RAI1: variants seen among roughly 807,000 people sequenced by gnomAD.
The protein encoded by RAI1 is retinoic acid-induced protein 1.
In RAI1, 9 loss-of-function variants were observed where a neutral mutation model predicts 123.8. The observed-to-expected ratio is 0.07, with a 90% CI of 0.04 to 0.13. The LOEUF (loss-of-function observed/expected upper bound fraction) is 0.13. Among genes scored for constraint, RAI1 ranks in the 10% least tolerant of loss-of-function variants. The pLI, the probability that RAI1 is intolerant of heterozygous loss-of-function variation, is 1.00. For synonymous variants in RAI1, 1,231 were observed against 1,127.3 expected (o/e 1.09, Z -1.84); for missense variants, 2,256 against 2,545.8 (o/e 0.89, Z 2.45).
At chr17:17,686,262 G>A (rs1362572920) in intron 1 of RAI1, among the ~76,000 whole-genome samples, 1 of 150,822 alleles carries the variant, frequency 6.6e-6, no homozygotes, top group Non-Finnish European at 1.5e-5. Context: ...GGCATGCTCA[G>A]GTCTGTGTGG....
intron 1 of RAI1, among the ~76,000 whole-genome samples, chr17:17,687,758 C>T (rs954299797): frequency 1.3e-5 from 2 of 152,014 alleles, no homozygotes; most frequent in Non-Finnish European, 2.9e-5. Context: ...GCTGGGGCGC[C>T]GTGGCTCACG....
chr17:17,723,659 A>C, intron 1 of RAI1, among the ~76,000 whole-genome samples: 1 of 110,494 alleles, frequency 9.1e-6, no homozygotes, highest in African/African-American at 3.5e-5. Flanking sequence ...TCCCGAGCTC[A>C]TCTCTCGCCC....
At chr17:17,706,258 G>A (rs538263968) in intron 1 of RAI1, among the ~76,000 whole-genome samples, 1 of 152,190 alleles carries the variant, frequency 6.6e-6, no homozygotes, top group East Asian at 1.9e-4. Context: ...CTGGAGAAAG[G>A]CCTACAGGTA....
At position 17,714,630 on chromosome 17, in the gene RAI1, G is replaced by T. The variant is rs1915657994; in HGVS notation, c.-148-9398G>T. Among the ~76,000 whole-genome samples, 1 of 152,278 alleles carries T rather than the reference G, an allele frequency of 6.6e-6. No homozygotes were observed. The highest frequency in any genetic ancestry group is 2.1e-4 in the South Asian group (1 of 4,828). ...GGTGAAAAACCTGAGGCTCAGAAAC[G>T]TAACGGGAAGCAGCTGGGTGCGAGC... On this transcript the variant is annotated intron_variant, in intron 1 of 5. Coordinates refer to ENST00000353383, the MANE Select transcript of RAI1 (RefSeq NM_030665.4). This position sits in a 1 kb window ranked among gnomAD's most constrained non-coding sequence, Gnocchi z 4.9.
intron 2 of RAI1, among the ~76,000 whole-genome samples, chr17:17,728,135 G>A (rs879829112): frequency 2.0e-5 from 3 of 152,126 alleles, no homozygotes; most frequent in Non-Finnish European, 4.4e-5. Flanking sequence ...AAGGGAGGGT[G>A]CCCCCGAGCT....
chr17:17,713,993 C>T (rs1435017888), intron 1 of RAI1, among the ~76,000 whole-genome samples: 1 of 152,104 alleles, frequency 6.6e-6, no homozygotes, highest in Non-Finnish European at 1.5e-5. Flanking sequence ...GACCAGAGAT[C>T]CCAGCGGCCC....
intron 2 of RAI1, among the ~76,000 whole-genome samples, chr17:17,791,293 T>G (rs2032004774): frequency 6.6e-6 from 1 of 152,220 alleles, no homozygotes; most frequent in Non-Finnish European, 1.5e-5. Flanking sequence ...GGAGGCCCTC[T>G]GTCGCCTTCC....
At position 17,809,351 on chromosome 17, in the gene RAI1, C is replaced by T. The variant is rs1432211215; in HGVS notation, c.5660-39C>T. ...CAAAACCCCACAGCTGTGGGGCCCCCACCCTGTCCTAACCACCGAAACTTC... is the reference window on the plus strand; with the variant it reads ...CAAAACCCCACAGCTGTGGGGCCCCTACCCTGTCCTAACCACCGAAACTTC... On this transcript the variant is annotated intron_variant, in intron 4 of 5. Coordinates refer to ENST00000353383, the MANE Select transcript of RAI1 (RefSeq NM_030665.4). The surrounding 1 kb of genome is among the most constrained non-coding windows in gnomAD (Gnocchi z 4.9). 3.2e-6 allele frequency: 5 copies of T among 1,570,994 alleles called. No individual in the cohort carries two copies. The highest frequency in any genetic ancestry group is 1.4e-5 in the African/African-American group (1 of 74,060).
At chr17:17,700,515 C>A (rs1915183772) in intron 1 of RAI1, among the ~76,000 whole-genome samples, 1 of 152,102 alleles carries the variant, frequency 6.6e-6, no homozygotes, top group Non-Finnish European at 1.5e-5. Context: ...TTAATGGCTG[C>A]GAACGCGCGG....
chr17:17,695,665 T>A (rs887683072), intron 1 of RAI1, among the ~76,000 whole-genome samples: 7 of 152,188 alleles, frequency 4.6e-5, no homozygotes, highest in Admixed American at 4.6e-4. Context: ...TAGCTGAGAT[T>A]ACAGGCACTT....
chr17:17,721,687 G>A lies in RAI1; in HGVS notation c.-148-2341G>A, dbSNP rs191794062. Among the ~76,000 whole-genome samples, 33 of 152,338 alleles carry A rather than the reference G, an allele frequency of 2.2e-4. No homozygotes were observed. In the East Asian group the frequency reaches 2.3e-3, roughly 11 times the overall value. Reference sequence around the variant, plus strand: ...CAGCGGGCATTTGGGCTTTTCCGTTGCCACCTTAATGGTATACACAATGCG... The same window carrying A: ...CAGCGGGCATTTGGGCTTTTCCGTTACCACCTTAATGGTATACACAATGCG... On this transcript the variant is annotated intron_variant, in intron 1 of 5. Coordinates refer to ENST00000353383, the MANE Select transcript of RAI1 (RefSeq NM_030665.4).
chr17:17,776,433 C>T (rs567587635), intron 2 of RAI1, among the ~76,000 whole-genome samples: 4 of 152,108 alleles, frequency 2.6e-5, no homozygotes, highest in South Asian at 2.1e-4. Context: ...TCCAGTGGCG[C>T]GATCTCAGCT....
Position 17,796,681 on chromosome 17 carries a change from A to C in RAI1, c.3733A>C (p.Ser1245Arg). Residue 1245 changes from serine to arginine, a missense_variant, in exon 3 of 6, where the codon AGC becomes CGC. Around this residue, in one of 7 missense-constraint regions of RAI1, gnomAD observed 322 missense variants for 358.0 expected, o/e 0.90. Coordinates refer to ENST00000353383, the MANE Select transcript of RAI1 (RefSeq NM_030665.4). The surrounding 1 kb of genome is among the most constrained non-coding windows in gnomAD (Gnocchi z 5.8). The stretch of plus-strand genomic sequence containing the variant: ...GCGGAACCTGGTCTTGCGGAGCCGC[A>C]GCAGCAGCAGCAGCAACGCCAGTGG... Reference protein sequence around the residue: ...KKRNLVLRSRSSSSSNASGNG... With the variant: ...KKRNLVLRSRRSSSSNASGNG... The C allele has an allele frequency of 6.3e-7, 1 of 1,595,830 alleles. No homozygotes were observed. Among genetic ancestry groups the C allele is most frequent in the Non-Finnish European group, 8.5e-7 (1 of 1,169,694 alleles).
chr17:17,715,989 G>C (rs1915702259), intron 1 of RAI1, among the ~76,000 whole-genome samples: 1 of 152,234 alleles, frequency 6.6e-6, no homozygotes, highest in Non-Finnish European at 1.5e-5. Flanking sequence ...ATGGCGGGGG[G>C]AATGGGTTTC....
At position 17,795,265 on chromosome 17, in the gene RAI1, G is replaced by A; in HGVS notation, c.2317G>A (p.Gly773Arg). ...GCTTACCAAGGGCCTGGAGCAGGGT[G>A]GGAAGGCCTCAGATGGCATCAGCAA... ...GELTKGLEQG[G>R]KASDGISKGD... Residue 773 changes from glycine to arginine, a missense_variant, in exon 3 of 6, where the codon GGG (glycine) becomes AGG (arginine). Transcript: ENST00000353383. This position sits in a 1 kb window ranked among gnomAD's most constrained non-coding sequence, Gnocchi z 5.9. 1 of 1,613,916 alleles carries A rather than the reference G, an allele frequency of 6.2e-7. No homozygotes were observed. The highest frequency in any genetic ancestry group is 1.1e-5 in the South Asian group (1 of 91,082).
intron 2 of RAI1, chr17:17,777,856 G>A (rs1309947576): frequency 1.3e-5 from 2 of 152,284 alleles, no homozygotes; most frequent in African/African-American, 4.8e-5. Context: ...GCTGAATGGA[G>A]AGTCCGGAGG....
intron 2 of RAI1, among the ~76,000 whole-genome samples, chr17:17,749,834 CA>C (rs1461396746): frequency 6.6e-6 from 1 of 152,236 alleles, no homozygotes; most frequent in African/African-American, 2.4e-5. Context: ...CAGCACCCAG[CA>C]TAGGGCATGT....
At position 17,797,258 on chromosome 17, in the gene RAI1, C is replaced by T. The variant is rs1453585230; in HGVS notation, c.4310C>T (p.Pro1437Leu). ...TTCACATCCCCGGAGGCCCTGCAGC[C>T]TGGGGGGACTGCCCTGGCGCCTAAG... ...EAFTSPEALQ[P>L]GGTALAPKKR... The change falls in exon 3 of 6, where the codon CCT becomes CTT. Residue 1437 changes from proline (P) to leucine (L), a missense_variant. Pro to Leu is a moderately conservative substitution (Grantham distance 98). Transcript: ENST00000353383. 1.2e-6 allele frequency: 2 copies of T among 1,613,232 alleles called. No homozygotes were observed. Among genetic ancestry groups the T allele is most frequent in the African/African-American group, 2.7e-5 (2 of 75,056 alleles).
rs2032674759 is a variant in RAI1, at chr17:17,809,680, G to A, written c.5709+241G>A. On this transcript the variant is annotated intron_variant, in intron 5 of 5. Coordinates refer to ENST00000353383, the MANE Select transcript of RAI1 (RefSeq NM_030665.4). This position sits in a 1 kb window ranked among gnomAD's most constrained non-coding sequence, Gnocchi z 4.9. ...CAGGCGTCGGGGCATGGGCAGCCAG[G>A]GGCTGGAGGGCGTCCCTGGGACGGC... 6.6e-6 allele frequency among the ~76,000 whole-genome samples: 1 copy of A among 152,088 alleles called. No homozygotes were observed. The highest frequency in any genetic ancestry group is 2.1e-4 in the South Asian group (1 of 4,838).
Sources: allele counts gnomAD v4.1 joint callset (sites outside exome capture counted in the v4.1 genomes callset), GRCh38; gene constraint gnomAD v4.1.1; regional missense constraint gnomAD v4.1.1; non-coding constraint Gnocchi (gnomAD v3.1); transcripts MANE v1.5; gene names NCBI Gene and HGNC (gene_info 2026-07-23, HGNC 2026-07-21).